Variants in ZMYND12 observed in about 807,000 individuals in gnomAD.
ZMYND12 encodes the protein zinc finger MYND domain-containing protein 12.
ZMYND12 carries 32 observed loss-of-function variants against 41.7 expected under a neutral mutation model. The observed-to-expected ratio is 0.77, with a 90% CI of 0.58 to 1.03. The LOEUF (loss-of-function observed/expected upper bound fraction) is 1.03, where lower values mean the gene tolerates loss of function less well. ZMYND12 is among the 50% of genes least tolerant of loss of function. ZMYND12 has a pLI of 0.00. For synonymous variants in ZMYND12, 148 were observed against 164.8 expected (o/e 0.90, Z 0.78); for missense variants, 424 against 438.5 (o/e 0.97, Z 0.30).
Position 42,430,616 on chromosome 1 carries a change from CA to C in ZMYND12, c.*119del. On this transcript the variant is annotated 3_prime_UTR_variant, in exon 8 of 8. Transcript: ENST00000372565. ...AAAATAACAGCTATGTGTGCAATCCCAGGGGAAGAGGGTGGAAACTTCAGCA... is the reference window on the plus strand; with the variant it reads ...AAAATAACAGCTATGTGTGCAATCCCGGGGAAGAGGGTGGAAACTTCAGCA... The C allele has an allele frequency of 7.5e-7, 1 of 1,337,622 alleles. No individual in the cohort carries two copies. Among genetic ancestry groups the C allele is most frequent in the Non-Finnish European group, 1.0e-6 (1 of 974,384 alleles). 82.9% of individuals were successfully genotyped at this position (1,337,622 alleles called of 1,614,324 possible).
chr1:42,432,649 A>G (rs1362804987), intron 7 of ZMYND12, among the ~76,000 whole-genome samples: 1 of 152,212 alleles, frequency 6.6e-6, no homozygotes, highest in African/African-American at 2.4e-5. Flanking sequence ...TTGTTTGTAA[A>G]GTAGAGATAA....
chr1:42,433,762 C>T (rs1195311280), intron 6 of ZMYND12, among the ~76,000 whole-genome samples: 4 of 152,218 alleles, frequency 2.6e-5, no homozygotes, highest in Non-Finnish European at 5.9e-5. Context: ...GCGTAAGCAA[C>T]AACCTTCATG....
At chr1:42,455,486 C>T (rs1005652297) in intron 1 of ZMYND12, among the ~76,000 whole-genome samples, 7 of 152,230 alleles carry the variant, frequency 4.6e-5, no homozygotes, top group Admixed American at 2.6e-4. Context: ...GTTGGCCAGG[C>T]TGGTCTCGAA....
chr1:42,431,264 C>T (rs963905093), intron 7 of ZMYND12, among the ~76,000 whole-genome samples: 2 of 152,140 alleles, frequency 1.3e-5, no homozygotes, highest in East Asian at 1.9e-4. Context: ...CCCCTTTCTT[C>T]CTCCCTTCTT....
intron 5 of ZMYND12, among the ~76,000 whole-genome samples, chr1:42,435,978 G>C (rs1642904392): frequency 6.6e-6 from 1 of 152,074 alleles, no homozygotes; most frequent in African/African-American, 2.4e-5. Flanking sequence ...TTAATATATT[G>C]GAAACAGTTT....
chr1:42,430,617 A>G lies in ZMYND12; in HGVS notation c.*119T>C. On this transcript the variant is annotated 3_prime_UTR_variant, in exon 8 of 8. Transcript: ENST00000372565. ...AAATAACAGCTATGTGTGCAATCCC[A>G]GGGGAAGAGGGTGGAAACTTCAGCA... The G allele has an allele frequency of 7.5e-7, 1 of 1,336,938 alleles. No individual in the cohort carries two copies. Among genetic ancestry groups the G allele is most frequent in the South Asian group, 1.5e-5 (1 of 68,128 alleles). The allele number at this position is 1,336,938 out of a possible 1,614,324, so 82.8% of individuals were successfully genotyped here.
chr1:42,430,963 C>G, intron 7 of ZMYND12, 105 bp from the exon 8 acceptor site: 1 of 1,447,066 alleles, frequency 6.9e-7, no homozygotes, highest in Middle Eastern at 1.9e-4. Flanking sequence ...AACTGACCAC[C>G]TTTTCACACC....
chr1:42,447,019 A>C (rs891157990), intron 3 of ZMYND12, among the ~76,000 whole-genome samples: 3 of 152,226 alleles, frequency 2.0e-5, no homozygotes, highest in African/African-American at 7.2e-5. Flanking sequence ...ATAAAGATAA[A>C]ATACTGATAC....
intron 3 of ZMYND12, among the ~76,000 whole-genome samples, chr1:42,446,361 A>G (rs938330035): frequency 6.6e-6 from 1 of 152,168 alleles, no homozygotes; most frequent in Non-Finnish European, 1.5e-5. Context: ...ATATTGATGT[A>G]GATATATAGA....
At chr1:42,431,894 A>G (rs760552312) in intron 7 of ZMYND12, among the ~76,000 whole-genome samples, 30 of 152,086 alleles carry the variant, frequency 2.0e-4, no homozygotes, top group South Asian at 4.1e-4. Flanking sequence ...GCAGGTGCTT[A>G]GTAAAAGTTA....
intron 4 of ZMYND12, among the ~76,000 whole-genome samples, 176 bp downstream of exon 4, chr1:42,439,680 T>C (rs549835611): frequency 6.6e-6 from 1 of 152,228 alleles, no homozygotes; most frequent in Non-Finnish European, 1.5e-5. Flanking sequence ...GTAGAAATGC[T>C]TGAACTCGGG....
At chr1:42,439,715 CATCCCACCAAATA>C in intron 4 of ZMYND12, 128 bp downstream of exon 4, 1 of 894,032 alleles carries the variant, frequency 1.1e-6, no homozygotes, top group East Asian at 2.7e-5. Context: ...TTATGGCTAA[CATCCCACCAAATA>C]ATCAGTTGTA....
chr1:42,431,592 C>G (rs1642850128), intron 7 of ZMYND12, among the ~76,000 whole-genome samples: 1 of 152,144 alleles, frequency 6.6e-6, no homozygotes, highest in Non-Finnish European at 1.5e-5. Context: ...AGGTGCCAGT[C>G]TTGATGGATA....
At chr1:42,442,237 T>A (rs1301084864) in intron 3 of ZMYND12, among the ~76,000 whole-genome samples, 1 of 152,028 alleles carries the variant, frequency 6.6e-6, no homozygotes, top group Non-Finnish European at 1.5e-5. Context: ...GGAACCAATG[T>A]GGAGGAGGGA....
intron 3 of ZMYND12, among the ~76,000 whole-genome samples, chr1:42,446,983 G>A (rs1308081836): frequency 1.3e-5 from 2 of 152,134 alleles, no homozygotes; most frequent in Non-Finnish European, 2.9e-5. Context: ...TCAAATTAAC[G>A]ATAGTAATGG....
rs771991141 is a variant in ZMYND12, at chr1:42,448,464, C to T, written c.424+3G>A. 32 of 1,587,014 alleles carry T rather than the reference C, an allele frequency of 2.0e-5. No homozygotes were observed. Among genetic ancestry groups the T allele is most frequent in the Non-Finnish European group, 2.5e-5 (29 of 1,165,566 alleles). Reference sequence around the variant, plus strand: ...CCAAGGATCTCAAGTCGGTTTCACTCACCAAGGCTGGCCTCGGCCAACAGC... The same window carrying T: ...CCAAGGATCTCAAGTCGGTTTCACTTACCAAGGCTGGCCTCGGCCAACAGC... On this transcript the variant is annotated splice_donor_region_variant and intron_variant, in intron 3 of 7. Coordinates refer to ENST00000372565, the MANE Select transcript of ZMYND12 (RefSeq NM_032257.5).
Position 42,436,482 on chromosome 1 carries a change from T to C in ZMYND12, c.656A>G (p.His219Arg). 2.5e-6 allele frequency: 4 copies of C among 1,613,836 alleles called. No individual in the cohort carries two copies. In the East Asian group the frequency reaches 8.9e-5, roughly 36 times the overall value. ...AAGGTCATAGAATATATTAGCCAGGTGGAAGTAGCCTCCTGAAGTCCTAAT... is the reference window on the plus strand; with the variant it reads ...AAGGTCATAGAATATATTAGCCAGGCGGAAGTAGCCTCCTGAAGTCCTAAT... Reference protein sequence around the residue: ...EDIRTSGGYFHLANIFYDLKK... With the variant: ...EDIRTSGGYFRLANIFYDLKK... The change falls in exon 5 of 8, where the codon CAC becomes CGC. Residue 219 changes from histidine to arginine, a missense_variant. By Grantham distance (29) the His-to-Arg change is conservative (BLOSUM62 0). Coordinates refer to ENST00000372565, the MANE Select transcript of ZMYND12 (RefSeq NM_032257.5).
chr1:42,446,008 G>A (rs986693335), intron 3 of ZMYND12, among the ~76,000 whole-genome samples: 8 of 152,188 alleles, frequency 5.3e-5, no homozygotes, highest in Admixed American at 3.9e-4. Flanking sequence ...TCTGGAATGG[G>A]GTGTCAGACC....
At chr1:42,451,416 T>C (rs996395634) in intron 1 of ZMYND12, among the ~76,000 whole-genome samples, 4 of 152,246 alleles carry the variant, frequency 2.6e-5, no homozygotes, top group African/African-American at 7.2e-5. Flanking sequence ...AAATGTAAGT[T>C]AACTGTTTGA....
Sources: allele counts gnomAD v4.1 joint callset (sites outside exome capture counted in the v4.1 genomes callset), GRCh38; gene constraint gnomAD v4.1.1; transcripts MANE v1.5; gene names NCBI Gene and HGNC (gene_info 2026-07-23, HGNC 2026-07-21).